Variants in TPCN1 observed in about 807,000 individuals in gnomAD.
TPCN1 encodes the protein two pore channel protein 1.
In TPCN1, 52 loss-of-function variants were observed where a neutral mutation model predicts 108.8. That is an observed-to-expected ratio of 0.48 (90% CI 0.38 to 0.60). The LOEUF is 0.60. Ranked by LOEUF, TPCN1 falls within the 20% of genes least tolerant of loss-of-function variation. TPCN1 has a pLI of 0.00. For missense variants in TPCN1, 806 were observed against 1,072.8 expected, an observed-to-expected ratio of 0.75 and a Z score of 3.47; for synonymous variants, 446 against 433.7, an observed-to-expected ratio of 1.03 and a Z score of -0.35.
intron 10 of TPCN1, among the ~76,000 whole-genome samples, chr12:113,275,001 T>G (rs938226338): frequency 1.5e-4 from 23 of 152,188 alleles, no homozygotes; most frequent in Admixed American, 3.3e-4. Context: ...TTTGTGGAGG[T>G]GTGGACAGCC....
Position 113,273,325 on chromosome 12 carries a change from G to C in TPCN1, c.842+35G>C. 4 of 1,606,414 alleles carry C rather than the reference G, an allele frequency of 2.5e-6. No homozygotes were observed. The highest frequency in any genetic ancestry group is 3.4e-6 in the Non-Finnish European group (4 of 1,172,944). ...GGCTCTGCCTTGCCTTTGGTCCTCT[G>C]CTGCCGCCCTGGGGTCTCTTTCTCT... On this transcript the variant is annotated intron_variant, in intron 9 of 27. Transcript: ENST00000335509. This position sits in a 1 kb window ranked among gnomAD's most constrained non-coding sequence, Gnocchi z 4.0.
intron 2 of TPCN1, 163 bp from the exon 3 acceptor site, chr12:113,260,205 C>A: frequency 1.4e-6 from 1 of 701,988 alleles, no homozygotes; most frequent in Non-Finnish European, 2.1e-6. Flanking sequence ...ACCAGCTGTG[C>A]TAATTCTTGC....
At chr12:113,281,881 C>T (rs1273741207) in intron 15 of TPCN1, among the ~76,000 whole-genome samples, 1 of 149,318 alleles carries the variant, frequency 6.7e-6, no homozygotes, top group African/African-American at 2.5e-5. Flanking sequence ...TCCATGTGGA[C>T]ATGTCACCAA....
chr12:113,264,678 CA>C (rs78726088), intron 3 of TPCN1, among the ~76,000 whole-genome samples: 13,708 of 137,842 alleles, frequency 0.099, 714 homozygotes, highest in East Asian at 0.22. Context: ...GACTCTGTCT[CA>C]AAAAAAAAGA....
chr12:113,277,395 G>A, intron 12 of TPCN1, 31 bp downstream of exon 12: 1 of 1,613,394 alleles, frequency 6.2e-7, no homozygotes, highest in Admixed American at 1.7e-5. Flanking sequence ...GGGGCAGCAT[G>A]GCCAGACAAG....
Position 113,256,230 on chromosome 12 carries a change from G to A in TPCN1, c.113-4138G>A, listed in dbSNP as rs1330182299. ...TGATTGATTGGACTCTTGGATTAGGGACAAAGAAATTGACTAATTCTAAAG... is the reference window on the plus strand; with the variant it reads ...TGATTGATTGGACTCTTGGATTAGGAACAAAGAAATTGACTAATTCTAAAG... On this transcript the variant is annotated intron_variant, in intron 2 of 27. Coordinates refer to ENST00000335509, the MANE Select transcript of TPCN1 (RefSeq NM_017901.6). 2.0e-5 allele frequency among the ~76,000 whole-genome samples: 3 copies of A among 151,976 alleles called. No homozygotes were observed. The East Asian group carries it at 5.8e-4, about 29-fold the overall frequency.
rs1408844650 is a variant in TPCN1 at position 113,298,459 on chromosome 12, ACAAT to A, written c.*2386_*2389del. On this transcript the variant is annotated 3_prime_UTR_variant, in exon 28 of 28. Transcript: ENST00000335509. The stretch of plus-strand genomic sequence containing the variant: ...GCCCCAGCCTTACTCCACCATGCGG[ACAAT>A]CATTTTGTACGGATCACGGGAGCAA... 6.6e-6 allele frequency: 1 copy of A among 152,300 alleles called. No homozygotes were observed. Among genetic ancestry groups the A allele is most frequent in the Admixed American group, 6.5e-5 (1 of 15,288 alleles). 9.4% of individuals were successfully genotyped at this position (152,300 alleles called of 1,614,324 possible). A position where few individuals can be genotyped will look rare whatever the true frequency, so the allele number is the denominator to read the frequency against.
Position 113,268,787 on chromosome 12 carries a change from G to T in TPCN1, c.574G>T (p.Val192Leu), listed in dbSNP as rs1206569273. 6.2e-7 allele frequency: 1 copy of T among 1,613,930 alleles called. No individual in the cohort carries two copies. Among genetic ancestry groups the T allele is most frequent in the East Asian group, 2.2e-5 (1 of 44,898 alleles). ...VQFVEAIVVL[V>L]RQMSHVRVTR... ...GTTTGTCGAGGCCATCGTGGTGTTG[G>T]TACGGCAGATGTCCCATGTGCGGGT... The change falls in exon 6 of 28, where the codon GTA becomes TTA. Residue 192 changes from valine to leucine, a missense_variant. Val to Leu is a conservative substitution (Grantham distance 32, BLOSUM62 1). Transcript: ENST00000335509. The surrounding 1 kb of genome is among the most constrained non-coding windows in gnomAD (Gnocchi z 7.3).
chr12:113,221,586 G>GCGGACCCCGGCGCGCGGTC lies in TPCN1; in HGVS notation c.-162_-144dup, dbSNP rs1261661915. 3.3e-4 allele frequency: 63 copies of GCGGACCCCGGCGCGCGGTC among 193,496 alleles called. 1 individual carries two copies. The highest frequency in any genetic ancestry group is 3.2e-3 in the East Asian group (18 of 5,554). The allele number at this position is 193,496 out of a possible 1,614,324, so 12.0% of individuals were successfully genotyped here. ...GCGCCGGCGGGCTAGGCTGCGCGGT[G>GCGGACCCCGGCGCGCGGTC]CGGACCCCGGCGCGCGGTCCGGGTT... On this transcript the variant is annotated 5_prime_UTR_variant, in exon 1 of 28. Transcript: ENST00000335509.
chr12:113,256,210 G>A (rs777667946), intron 2 of TPCN1, among the ~76,000 whole-genome samples: 5 of 151,614 alleles, frequency 3.3e-5, no homozygotes, highest in Non-Finnish European at 7.4e-5. Flanking sequence ...TTGATTGATT[G>A]ATTGGACTCT....
chr12:113,260,543 T>C (rs1954991234), intron 3 of TPCN1, 51 bp downstream of exon 3: 14 of 1,540,818 alleles, frequency 9.1e-6, no homozygotes, highest in Non-Finnish European at 1.2e-5. Context: ...GTTGGTGGGG[T>C]GGGGCAGCCA....
chr12:113,223,685 A>G (rs1274123260), intron 1 of TPCN1, among the ~76,000 whole-genome samples: 1 of 152,172 alleles, frequency 6.6e-6, no homozygotes, highest in African/African-American at 2.4e-5. Flanking sequence ...CTGGGATTAC[A>G]GGCATGCACC....
At chr12:113,228,503 T>G (rs1286265120) in intron 2 of TPCN1, among the ~76,000 whole-genome samples, 1 of 152,158 alleles carries the variant, frequency 6.6e-6, no homozygotes, top group Admixed American at 6.5e-5. Context: ...TAGTCCCAGC[T>G]ACTCAGGAGG....
chr12:113,273,983 T>TC lies in TPCN1; in HGVS notation c.942+317dup, dbSNP rs1472367214. On this transcript the variant is annotated intron_variant, in intron 10 of 27. Coordinates refer to ENST00000335509, the MANE Select transcript of TPCN1 (RefSeq NM_017901.6). This position sits in a 1 kb window ranked among gnomAD's most constrained non-coding sequence, Gnocchi z 4.0. ...AGAAATAAGCAGTTGACCCTCGGTGTCCACAGGGATTGTTTGCAGGACCCC... is the reference window on the plus strand; with the variant it reads ...AGAAATAAGCAGTTGACCCTCGGTGTCCCACAGGGATTGTTTGCAGGACCCC... Among the ~76,000 whole-genome samples the TC allele has an allele frequency of 3.9e-5, 6 of 152,170 alleles. No individual in the cohort carries two copies. The highest frequency in any genetic ancestry group is 8.8e-5 in the Non-Finnish European group (6 of 68,036).
chr12:113,244,197 C>A, intron 2 of TPCN1: 2 of 538,138 alleles, frequency 3.7e-6, no homozygotes, highest in South Asian at 8.1e-5. Flanking sequence ...CACTTTCACA[C>A]CAGAGTCCCT....
chr12:113,284,891 A>G lies in TPCN1; in HGVS notation c.1453+120A>G. The G allele has an allele frequency of 2.7e-6, 3 of 1,128,766 alleles. No homozygotes were observed. The South Asian group carries it at 3.9e-5, about 15-fold the overall frequency. 69.9% of individuals were successfully genotyped at this position (1,128,766 alleles called of 1,614,324 possible). ...CAGGAAGCTATAAAGAGACGGAGTA[A>G]TCAGTCTGATTCCATCTCGTCCCCG... On this transcript the variant is annotated intron_variant, in intron 17 of 27. Coordinates refer to ENST00000335509, the MANE Select transcript of TPCN1 (RefSeq NM_017901.6). This position sits in a 1 kb window ranked among gnomAD's most constrained non-coding sequence, Gnocchi z 4.1.
chr12:113,294,828 G>A (rs778736848), intron 27 of TPCN1, among the ~76,000 whole-genome samples: 6 of 152,080 alleles, frequency 3.9e-5, no homozygotes, highest in Non-Finnish European at 7.4e-5. Context: ...AGGGCTCCGG[G>A]GAGCCTCTCC....
chr12:113,248,438 C>T (rs1954489200), intron 2 of TPCN1, among the ~76,000 whole-genome samples: 2 of 152,312 alleles, frequency 1.3e-5, no homozygotes, highest in South Asian at 2.1e-4. Flanking sequence ...AAACAGATAC[C>T]CTGTCAGGTG....
Position 113,287,087 on chromosome 12 carries a change from C to T in TPCN1, c.1627C>T (p.Leu543=), listed in dbSNP as rs1956108140. The change falls in exon 19 of 28, where the codon CTG becomes TTG. Residue 543 remains leucine, a synonymous_variant. Transcript: ENST00000335509. ...YFIVVLRPLQ[L]LRLFKLKERY... ...CATCGTGGTCCTGCGCCCCCTCCAG[C>T]TGCTGAGGTGATGGGCAGGGCAGAG... 1.2e-6 allele frequency: 2 copies of T among 1,612,894 alleles called. No individual in the cohort carries two copies. The highest frequency in any genetic ancestry group is 2.7e-5 in the African/African-American group (2 of 75,038).
Sources: gnomAD v4.1 joint callset for allele counts (sites outside exome capture counted in the v4.1 genomes callset) on GRCh38, gnomAD v4.1.1 for gene constraint, Gnocchi (gnomAD v3.1) non-coding constraint, MANE v1.5 for transcripts, NCBI Gene and HGNC (gene_info 2026-07-23, HGNC 2026-07-21) for gene names.